The following TLN2 variants were observed in gnomAD, a reference collection of about 807,000 sequenced individuals.
TLN2 encodes talin-2.
TLN2 carries 118 observed loss-of-function variants against 294.7 expected under a neutral mutation model. The ratio of observed to expected loss-of-function variants is 0.40; its 90% CI spans 0.34 to 0.47. The LOEUF (loss-of-function observed/expected upper bound fraction) is 0.47. Among genes scored for constraint, TLN2 ranks in the 20% least tolerant of loss-of-function variants. The pLI, the probability that TLN2 is intolerant of heterozygous loss-of-function variation, is 0.84. For synonymous variants in TLN2, 1,431 were observed against 1,304.5 expected (o/e 1.10, Z -2.09); for missense variants, 3,083 against 3,282.2 (o/e 0.94, Z 1.48).
At chr15:62,461,787 C>G (rs1401500416) in intron 1 of TLN2, among the ~76,000 whole-genome samples, 1 of 152,238 alleles carries the variant, frequency 6.6e-6, no homozygotes, top group Admixed American at 6.5e-5. Context: ...AGAGCATGCA[C>G]AGGAGCACTC....
chr15:62,620,156 T>G (rs1297225867), intron 3 of TLN2, among the ~76,000 whole-genome samples: 2 of 151,984 alleles, frequency 1.3e-5, no homozygotes, highest in African/African-American at 4.8e-5. Flanking sequence ...TTTATTTTTA[T>G]TTTTTGTAGA....
In TLN2 at chr15:62,833,642, G is replaced by A. The variant is rs150035154; in HGVS notation, c.7128+13G>A. The A allele has an allele frequency of 3.1e-6, 5 of 1,612,862 alleles. No individual in the cohort carries two copies. Among genetic ancestry groups the A allele is most frequent in the East Asian group, 2.2e-5 (1 of 44,870 alleles). ...GGCCCAAGGAAAGGTGGGTAAAGCC[G>A]CTGACCACATGCGGGACACTCAACG... On this transcript the variant is annotated intron_variant, in intron 55 of 58. Transcript: ENST00000636159.
At chr15:62,691,606 C>A (rs1285062369) in intron 12 of TLN2, among the ~76,000 whole-genome samples, 1 of 152,158 alleles carries the variant, frequency 6.6e-6, no homozygotes, top group East Asian at 1.9e-4. Context: ...GATGATCTGT[C>A]ATTCATATTG....
intron 19 of TLN2, among the ~76,000 whole-genome samples, chr15:62,703,193 C>T (rs2058824455): frequency 6.6e-6 from 1 of 151,716 alleles, no homozygotes; most frequent in Non-Finnish European, 1.5e-5. Flanking sequence ...ACCTCCATCT[C>T]CCGGGTTCAA....
intron 18 of TLN2, 139 bp downstream of exon 18, chr15:62,702,339 G>A: frequency 2.1e-6 from 2 of 964,514 alleles, no homozygotes; most frequent in Non-Finnish European, 3.0e-6. Flanking sequence ...AACTGGAGTT[G>A]TGGAACTGGG....
At chr15:62,470,462 C>T (rs2140360309) in intron 1 of TLN2, among the ~76,000 whole-genome samples, 1 of 152,366 alleles carries the variant, frequency 6.6e-6, no homozygotes, top group South Asian at 2.1e-4. Context: ...AGCTCTGCAT[C>T]TCTGGGGTGC....
intron 38 of TLN2, 94 bp downstream of exon 38, chr15:62,761,915 C>A: frequency 6.6e-7 from 1 of 1,523,226 alleles, no homozygotes; most frequent in Non-Finnish European, 9.1e-7. Flanking sequence ...ACAGCTCTCT[C>A]TGTCAACATG....
At chr15:62,489,969 A>G (rs952786746) in intron 1 of TLN2, among the ~76,000 whole-genome samples, 5 of 152,190 alleles carry the variant, frequency 3.3e-5, no homozygotes, top group African/African-American at 4.8e-5. Context: ...AGAACCACCT[A>G]GTTATGCCGC....
intron 52 of TLN2, among the ~76,000 whole-genome samples, chr15:62,811,071 T>C (rs1567657240): frequency 6.6e-6 from 1 of 152,218 alleles, no homozygotes; most frequent in Non-Finnish European, 1.5e-5. Flanking sequence ...CAGAGCTGGA[T>C]CCAAATCTCA....
chr15:62,796,572 G>T (rs996013306), intron 47 of TLN2, among the ~76,000 whole-genome samples: 1 of 152,158 alleles, frequency 6.6e-6, no homozygotes, highest in African/African-American at 2.4e-5. Flanking sequence ...CCAGAGAGCC[G>T]TTCCTCAAAC....
intron 54 of TLN2, chr15:62,828,923 T>A (rs2068482440): frequency 6.6e-6 from 1 of 152,002 alleles, no homozygotes; most frequent in Non-Finnish European, 1.5e-5. Context: ...AGTTAAATGG[T>A]GTTTGTTTTC....
chr15:62,822,098 C>T (rs2067620707), intron 54 of TLN2, among the ~76,000 whole-genome samples: 2 of 152,198 alleles, frequency 1.3e-5, no homozygotes. Flanking sequence ...GTTTCAATGT[C>T]TTTCCCTTTG....
intron 55 of TLN2, chr15:62,833,957 G>A (rs1047793785): frequency 1.0e-5 from 2 of 191,886 alleles, no homozygotes; most frequent in Admixed American, 1.2e-4. Flanking sequence ...CTGGTGGGCC[G>A]CTCTAGAAGC....
At chr15:62,600,909 T>C (rs541297914) in intron 2 of TLN2, among the ~76,000 whole-genome samples, 2 of 152,354 alleles carry the variant, frequency 1.3e-5, no homozygotes, top group South Asian at 4.1e-4. Flanking sequence ...GTTATTAATA[T>C]TTTCTGAATA....
intron 2 of TLN2, among the ~76,000 whole-genome samples, chr15:62,611,702 G>C (rs945492077): frequency 6.6e-6 from 1 of 152,102 alleles, no homozygotes; most frequent in African/African-American, 2.4e-5. Context: ...TCAAGCCTTC[G>C]GAGAGATTTT....
intron 11 of TLN2, among the ~76,000 whole-genome samples, chr15:62,677,161 G>A (rs1033839938): frequency 3.9e-5 from 6 of 152,298 alleles, no homozygotes; most frequent in Middle Eastern, 3.4e-3. Flanking sequence ...TTTAGAAGGC[G>A]TGCTTTTCAT....
At chr15:62,580,940 A>G (rs1468319566) in intron 1 of TLN2, among the ~76,000 whole-genome samples, 2 of 149,906 alleles carry the variant, frequency 1.3e-5, no homozygotes, top group African/African-American at 4.9e-5. Context: ...CTGGAGTGCA[A>G]TGACAGGATC....
intron 12 of TLN2, among the ~76,000 whole-genome samples, chr15:62,691,188 T>C (rs2057878047): frequency 6.6e-6 from 1 of 152,188 alleles, no homozygotes; most frequent in Admixed American, 6.5e-5. Context: ...GCTACTCTAT[T>C]TTTATCCAAC....
chr15:62,426,639 C>A (rs1254452765), intron 1 of TLN2, among the ~76,000 whole-genome samples: 2 of 152,212 alleles, frequency 1.3e-5, no homozygotes, highest in Non-Finnish European at 2.9e-5. Flanking sequence ...ACTGGGGGCC[C>A]CGGGTGTGCT....
Sources: gnomAD v4.1 joint callset for allele counts (sites outside exome capture counted in the v4.1 genomes callset) on GRCh38, gnomAD v4.1.1 for gene constraint, MANE v1.5 for transcripts, NCBI Gene and HGNC (gene_info 2026-07-23, HGNC 2026-07-21) for gene names.